STK33: variants seen among roughly 807,000 people sequenced by gnomAD.
STK33 encodes serine/threonine kinase 33.
STK33 carries 52 observed loss-of-function variants against 58.0 expected under a neutral mutation model. The ratio of observed to expected loss-of-function variants is 0.90; its 90% CI spans 0.72 to 1.13. The LOEUF (loss-of-function observed/expected upper bound fraction) is 1.13. Ranked by LOEUF, STK33 falls within the 50% of genes most tolerant of loss-of-function variation. STK33 has a pLI of 0.00. For missense variants in STK33, 630 were observed against 604.2 expected (o/e 1.04, Z -0.45); for synonymous variants, 215 against 200.1 (o/e 1.07, Z -0.63).
intron 1 of STK33, among the ~76,000 whole-genome samples, chr11:8,553,938 G>A (rs1164618687): frequency 6.6e-6 from 1 of 152,132 alleles, no homozygotes; most frequent in Non-Finnish European, 1.5e-5. Context: ...GACAAAAACA[G>A]ACAAGTGGGA....
intron 2 of STK33, among the ~76,000 whole-genome samples, chr11:8,479,318 G>A (rs368865714): frequency 6.6e-6 from 1 of 151,518 alleles, no homozygotes; most frequent in African/African-American, 2.4e-5. Flanking sequence ...CTGTAATCCC[G>A]GCTACTAGGG....
In STK33 at chr11:8,445,694, A is replaced by G. The variant is rs181312921; in HGVS notation, c.872-4941T>C. 7.7e-3 allele frequency among the ~76,000 whole-genome samples: 1,165 copies of G among 152,216 alleles called. 8 individuals are homozygous for G. Among genetic ancestry groups the G allele is most frequent in the Admixed American group, 0.01 (155 of 15,276 alleles). On this transcript the variant is annotated intron_variant, in intron 11 of 15. Transcript: ENST00000687296. ...TGGTGGATTACATTTACTGATTTGC[A>G]TATGTTGAACCAGCCTTGCATCCCA...
chr11:8,525,382 T>C (rs1039811924), intron 1 of STK33, among the ~76,000 whole-genome samples: 5 of 152,222 alleles, frequency 3.3e-5, no homozygotes, highest in African/African-American at 7.2e-5. Flanking sequence ...TTAGCACATA[T>C]AGTATTGGTT....
At chr11:8,549,989 C>T (rs886437754) in intron 1 of STK33, among the ~76,000 whole-genome samples, 1 of 152,104 alleles carries the variant, frequency 6.6e-6, no homozygotes, top group African/African-American at 2.4e-5. Context: ...CTGTAACATG[C>T]TTTCAAATAG....
chr11:8,532,159 G>C (rs1330153788), intron 1 of STK33, among the ~76,000 whole-genome samples: 1 of 152,178 alleles, frequency 6.6e-6, no homozygotes, highest in Non-Finnish European at 1.5e-5. Flanking sequence ...CTGTAAGTTC[G>C]GAGTACAGAA....
intron 1 of STK33, among the ~76,000 whole-genome samples, chr11:8,547,494 G>T (rs991908653): frequency 6.6e-6 from 1 of 152,204 alleles, no homozygotes. Context: ...GATTACAGGC[G>T]TGAGCCACTG....
the STK33 span, among the ~76,000 whole-genome samples, chr11:8,383,257 G>T: frequency 6.6e-6 from 1 of 152,320 alleles, no homozygotes; most frequent in African/African-American, 2.4e-5. Flanking sequence ...ACAGGGCTGT[G>T]GGAATTACCT....
chr11:8,403,806 C>G lies in STK33; in HGVS notation c.1344+9689G>C, dbSNP rs139190637. On this transcript the variant is annotated intron_variant, in intron 15 of 15. Coordinates refer to ENST00000687296, the MANE Select transcript of STK33 (RefSeq NM_001352389.2). Reference sequence around the variant, plus strand: ...AAACTGGACTAACTATACATATTTCCTTATTCACTGGCATAGCTTTAACCT... The same window carrying G: ...AAACTGGACTAACTATACATATTTCGTTATTCACTGGCATAGCTTTAACCT... 1.6e-3 allele frequency among the ~76,000 whole-genome samples: 250 copies of G among 152,336 alleles called. 2 individuals are homozygous for G. The highest frequency in any genetic ancestry group is 5.9e-3 in the African/African-American group (244 of 41,576).
intron 1 of STK33, among the ~76,000 whole-genome samples, chr11:8,520,956 C>G (rs962373260): frequency 6.6e-6 from 1 of 151,234 alleles, no homozygotes; most frequent in African/African-American, 2.4e-5. Context: ...GAAATGATTT[C>G]TAATGATAAT....
At chr11:8,419,389 C>T (rs200332910) in intron 14 of STK33, among the ~76,000 whole-genome samples, 3 of 152,174 alleles carry the variant, frequency 2.0e-5, no homozygotes, top group East Asian at 3.9e-4. Context: ...TTCAGATGGT[C>T]ACAGATGTGA....
Position 8,562,578 on chromosome 11 carries a change from A to G in STK33, c.-466+31505T>C, listed in dbSNP as rs558448763. Among the ~76,000 whole-genome samples, 20 of 152,222 alleles carry G rather than the reference A, an allele frequency of 1.3e-4. No homozygotes were observed. In the East Asian group the frequency reaches 1.7e-3, roughly 13 times the overall value. On this transcript the variant is annotated intron_variant, in intron 1 of 15. Coordinates refer to ENST00000687296, the MANE Select transcript of STK33 (RefSeq NM_001352389.2). ...TCATTATACTCTTAGATTCTAGTCC[A>G]TAGCTAGGAACTGAGCCATTTCCTA...
At chr11:8,535,242 G>A (rs1216239667) in intron 1 of STK33, among the ~76,000 whole-genome samples, 1 of 152,052 alleles carries the variant, frequency 6.6e-6, no homozygotes, top group Non-Finnish European at 1.5e-5. Flanking sequence ...TGTTACTAAT[G>A]CACTTTACAG....
intron 1 of STK33, among the ~76,000 whole-genome samples, chr11:8,497,912 C>T (rs1951185944): frequency 6.6e-6 from 1 of 152,176 alleles, no homozygotes; most frequent in South Asian, 2.1e-4. Flanking sequence ...CACACACACA[C>T]ACAACTTTTG....
intron 1 of STK33, among the ~76,000 whole-genome samples, chr11:8,488,649 AC>A (rs1950354079): frequency 6.6e-6 from 1 of 152,146 alleles, no homozygotes; most frequent in South Asian, 2.1e-4. Context: ...ATGGTCACAA[AC>A]AATATAGATT....
chr11:8,374,700 T>G, the STK33 span, among the ~76,000 whole-genome samples: 1 of 152,284 alleles, frequency 6.6e-6, no homozygotes, highest in African/African-American at 2.4e-5. Context: ...GGGCTGGAGC[T>G]TTACACAATA....
chr11:8,565,207 T>A (rs1957366902), intron 1 of STK33, among the ~76,000 whole-genome samples: 1 of 152,256 alleles, frequency 6.6e-6, no homozygotes, highest in Admixed American at 6.5e-5. Context: ...TTCGCCACCA[T>A]CTAATCAGCG....
chr11:8,341,904 C>T, the STK33 span, among the ~76,000 whole-genome samples: 1 of 152,228 alleles, frequency 6.6e-6, no homozygotes, highest in Non-Finnish European at 1.5e-5. Flanking sequence ...CTTGGGCCCA[C>T]CTGCCAGGCA....
At chr11:8,352,473 G>A in the STK33 span, among the ~76,000 whole-genome samples, 3 of 152,180 alleles carry the variant, frequency 2.0e-5, no homozygotes, top group Non-Finnish European at 4.4e-5. Context: ...CTAGGGGCCA[G>A]CATCTGGAGA....
intron 1 of STK33, among the ~76,000 whole-genome samples, chr11:8,509,266 G>C (rs1033358848): frequency 2.6e-5 from 4 of 152,098 alleles, no homozygotes; most frequent in African/African-American, 9.7e-5. Flanking sequence ...TACAGGAAGA[G>C]ACATTTTAAT....
Sources: allele counts gnomAD v4.1 joint callset (sites outside exome capture counted in the v4.1 genomes callset), GRCh38; gene constraint gnomAD v4.1.1; transcripts MANE v1.5; gene names NCBI Gene and HGNC (gene_info 2026-07-23, HGNC 2026-07-21).